SMCO4: variants seen among roughly 807,000 people sequenced by gnomAD.
SMCO4 encodes single-pass membrane protein with coiled-coil domains 4.
SMCO4 carries 4 observed loss-of-function variants against 3.6 expected under a neutral mutation model. That is an observed-to-expected ratio of 1.11 (90% CI 0.54 to 2.53). The LOEUF (loss-of-function observed/expected upper bound fraction) is 2.53. Among genes scored for constraint, SMCO4 ranks in the 30% most tolerant of loss-of-function variants. The pLI, the probability that SMCO4 is intolerant of heterozygous loss-of-function variation, is 0.02. For missense variants in SMCO4, 70 were observed against 80.8 expected (o/e 0.87, Z 0.51); for synonymous variants, 36 against 35.3 (o/e 1.02, Z -0.07).
chr11:93,548,575 A>G, the SMCO4 span, among the ~76,000 whole-genome samples: 16 of 152,194 alleles, frequency 1.1e-4, no homozygotes, highest in Non-Finnish European at 2.4e-4. Flanking sequence ...AGGGGACTTC[A>G]CTGCCAGAAT....
chr11:93,491,967 T>C (rs1045754995), intron 2 of SMCO4, among the ~76,000 whole-genome samples: 1 of 152,206 alleles, frequency 6.6e-6, no homozygotes, highest in African/African-American at 2.4e-5. Flanking sequence ...ATAACATCTT[T>C]AAAATGGAAA....
At chr11:93,486,803 G>A (rs1438712772) in intron 2 of SMCO4, among the ~76,000 whole-genome samples, 1 of 152,184 alleles carries the variant, frequency 6.6e-6, no homozygotes, top group East Asian at 1.9e-4. Flanking sequence ...TGTGAGAACA[G>A]TAACCAGGCC....
chr11:93,508,382 A>T (rs1002612373), intron 1 of SMCO4, among the ~76,000 whole-genome samples: 1 of 152,258 alleles, frequency 6.6e-6, no homozygotes, highest in African/African-American at 2.4e-5. Flanking sequence ...TGAACATATG[A>T]TTCTGAAAAC....
chr11:93,520,125 CA>C (rs1279617884), intron 1 of SMCO4, among the ~76,000 whole-genome samples: 2 of 152,182 alleles, frequency 1.3e-5, no homozygotes, highest in African/African-American at 4.8e-5. Context: ...AAGCATGCTG[CA>C]GGTGGGGCAG....
chr11:93,540,103 T>C (rs946924794), intron 1 of SMCO4, among the ~76,000 whole-genome samples: 1 of 152,154 alleles, frequency 6.6e-6, no homozygotes, highest in Non-Finnish European at 1.5e-5. Flanking sequence ...CCCTGGAATA[T>C]TCATTGCGCG....
upstream of SMCO4, among the ~76,000 whole-genome samples, chr11:93,543,981 A>G (rs1189550095): frequency 6.6e-6 from 1 of 152,180 alleles, no homozygotes; most frequent in Non-Finnish European, 1.5e-5. Context: ...AATGAGATTC[A>G]CAATTCCCCA....
intron 2 of SMCO4, among the ~76,000 whole-genome samples, chr11:93,482,345 C>G (rs34716358): frequency 0.11 from 17,300 of 152,224 alleles, 1,265 homozygotes; most frequent in Non-Finnish European, 0.16. Context: ...ACTCAAGAAG[C>G]GCATTGAGTG....
Position 93,479,180 on chromosome 11 carries a change from G to A in SMCO4, c.10C>T (p.Leu4Phe). Residue 4 changes from leucine (L) to phenylalanine (F), a missense_variant, in exon 3 of 3, where the codon CTC (leucine) becomes TTC (phenylalanine). Transcript: ENST00000298966. ...GTCTCCTTCTTGGGCTTCCCTTTGA[G>A]CTGCCGCATCTTTCCTAGAGGATGC... MRQLKGKPKKETSK... is the reference protein window; with the variant it reads MRQFKGKPKKETSK... 1.2e-6 allele frequency: 2 copies of A among 1,613,928 alleles called. No homozygotes were observed. The highest frequency in any genetic ancestry group is 1.1e-5 in the South Asian group (1 of 91,060).
At chr11:93,530,843 C>A (rs1309596886) in intron 1 of SMCO4, among the ~76,000 whole-genome samples, 1 of 152,226 alleles carries the variant, frequency 6.6e-6, no homozygotes, top group African/African-American at 2.4e-5. Flanking sequence ...GACCACCTCA[C>A]CTTCCCCTCT....
At position 93,515,098 on chromosome 11, in the gene SMCO4, T is replaced by C. The variant is rs150228906; in HGVS notation, c.-153-15750A>G. Among the ~76,000 whole-genome samples, 144 of 152,338 alleles carry C rather than the reference T, an allele frequency of 9.5e-4. 1 individual carries two copies. The highest frequency in any genetic ancestry group is 6.8e-3 in the Middle Eastern group (2 of 294). On this transcript the variant is annotated intron_variant, in intron 1 of 2. Coordinates refer to ENST00000298966, the MANE Select transcript of SMCO4 (RefSeq NM_020179.3). ...GCAATACTCTCTGCTCCCCAAAATATAATTAAAACTCAACTCAGAGAAAGC... is the reference window on the plus strand; with the variant it reads ...GCAATACTCTCTGCTCCCCAAAATACAATTAAAACTCAACTCAGAGAAAGC...
chr11:93,478,972 C>T lies in SMCO4; in HGVS notation c.*38G>A. ...TGTTTGCGTCCCCCTCCCGCGCCTC[C>T]TCTCCCTGCCGATGGGGTCCGCAGC... On this transcript the variant is annotated 3_prime_UTR_variant, in exon 3 of 3. Coordinates refer to ENST00000298966, the MANE Select transcript of SMCO4 (RefSeq NM_020179.3). The T allele has an allele frequency of 6.3e-7, 1 of 1,574,982 alleles. No individual in the cohort carries two copies. Among genetic ancestry groups the T allele is most frequent in the South Asian group, 1.1e-5 (1 of 88,996 alleles).
chr11:93,494,657 C>T (rs1405018182), intron 2 of SMCO4, among the ~76,000 whole-genome samples: 1 of 152,216 alleles, frequency 6.6e-6, no homozygotes, highest in Non-Finnish European at 1.5e-5. Context: ...AACATCCAGC[C>T]TACCGTCATA....
chr11:93,521,757 AC>A (rs896557587), intron 1 of SMCO4, among the ~76,000 whole-genome samples: 2 of 152,242 alleles, frequency 1.3e-5, no homozygotes, highest in African/African-American at 4.8e-5. Flanking sequence ...AGACAGACCA[AC>A]CAATCAGCTA....
intron 1 of SMCO4, among the ~76,000 whole-genome samples, chr11:93,533,952 C>T (rs1949187693): frequency 6.6e-6 from 1 of 151,952 alleles, no homozygotes; most frequent in African/African-American, 2.4e-5. Context: ...TTGTGGAGGC[C>T]AAGGTGGGCA....
upstream of SMCO4, among the ~76,000 whole-genome samples, chr11:93,547,493 T>A (rs1171168204): frequency 6.6e-6 from 1 of 152,204 alleles, no homozygotes; most frequent in African/African-American, 2.4e-5. Context: ...CACTCCTTGT[T>A]TTTTTCACTG....
intron 2 of SMCO4, among the ~76,000 whole-genome samples, chr11:93,480,499 C>G (rs982813688): frequency 6.6e-6 from 1 of 152,102 alleles, no homozygotes; most frequent in Non-Finnish European, 1.5e-5. Context: ...CCAATTTGTA[C>G]AGCAGGAAGA....
chr11:93,479,685 G>T (rs532923842), intron 2 of SMCO4, among the ~76,000 whole-genome samples: 69 of 152,304 alleles, frequency 4.5e-4, no homozygotes, highest in African/African-American at 1.6e-3. Flanking sequence ...ACTGCAGGCA[G>T]CCTGCAGTCT....
At chr11:93,532,772 G>A (rs1427649972) in intron 1 of SMCO4, among the ~76,000 whole-genome samples, 1 of 152,192 alleles carries the variant, frequency 6.6e-6, no homozygotes, top group African/African-American at 2.4e-5. Flanking sequence ...ACTCCCCTCA[G>A]AGCCCCCAGA....
At chr11:93,487,592 A>T (rs772998381) in intron 2 of SMCO4, among the ~76,000 whole-genome samples, 5 of 152,220 alleles carry the variant, frequency 3.3e-5, no homozygotes, top group African/African-American at 4.8e-5. Flanking sequence ...AACACAAAAG[A>T]ATCTTTGAGT....
Sources: allele counts gnomAD v4.1 joint callset (sites outside exome capture counted in the v4.1 genomes callset), GRCh38; gene constraint gnomAD v4.1.1; transcripts MANE v1.5; gene names NCBI Gene and HGNC (gene_info 2026-07-23, HGNC 2026-07-21).